The following ZNF469 variants were observed in gnomAD, a reference collection of about 807,000 sequenced individuals.
ZNF469 encodes zinc finger protein 469.
Under a neutral mutation model 1.0 loss-of-function variants are expected in ZNF469, and 1 was observed. The ratio of observed to expected loss-of-function variants is 1.00; its 90% CI spans 0.35 to 4.73. The LOEUF (loss-of-function observed/expected upper bound fraction) is 4.73. ZNF469 is among the 30% of genes most tolerant of loss of function. The pLI, the probability that ZNF469 is intolerant of heterozygous loss-of-function variation, is 0.16. For missense variants in ZNF469, 6,100 were observed against 5,356.3 expected, an observed-to-expected ratio of 1.14 and a Z score of -4.33; for synonymous variants, 2,703 against 2,363.4, an observed-to-expected ratio of 1.14 and a Z score of -4.17.
At chr16:88,297,442 C>T in the ZNF469 span, among the ~76,000 whole-genome samples, 1 of 152,218 alleles carries the variant, frequency 6.6e-6, no homozygotes, top group East Asian at 1.9e-4. Flanking sequence ...ATAGGCTTAC[C>T]TGCAAAGCAC....
the ZNF469 span, among the ~76,000 whole-genome samples, chr16:88,333,145 T>C: frequency 6.6e-6 from 1 of 152,106 alleles, no homozygotes; most frequent in Non-Finnish European, 1.5e-5. Context: ...GCAAAGCGAG[T>C]GTCCCCACAT....
At chr16:88,321,199 C>A in the ZNF469 span, among the ~76,000 whole-genome samples, 1 of 152,272 alleles carries the variant, frequency 6.6e-6, no homozygotes, top group Non-Finnish European at 1.5e-5. Context: ...GGGTGCCCCC[C>A]ACCTTGGGTT....
chr16:88,234,249 A>C, the ZNF469 span, among the ~76,000 whole-genome samples: 1 of 152,262 alleles, frequency 6.6e-6, no homozygotes, highest in Non-Finnish European at 1.5e-5. Flanking sequence ...GCATGCAGGC[A>C]CGTGGGTCGT....
At chr16:88,134,520 A>C in the ZNF469 span, among the ~76,000 whole-genome samples, 3 of 152,210 alleles carry the variant, frequency 2.0e-5, no homozygotes, top group African/African-American at 7.2e-5. Flanking sequence ...CCACTTATCC[A>C]TCTTTGCATA....
At chr16:88,101,625 G>C in the ZNF469 span, among the ~76,000 whole-genome samples, 2 of 151,870 alleles carry the variant, frequency 1.3e-5, no homozygotes, top group Admixed American at 6.6e-5. Flanking sequence ...GGCAGGACGA[G>C]TTTGGGGCTT....
rs1280705349 is a variant in ZNF469 at position 88,423,179 on chromosome 16, ATGGG to A, written c.-191-1620_-191-1617del. Among the ~76,000 whole-genome samples, 8 of 12,392 alleles carry A rather than the reference ATGGG, an allele frequency of 6.5e-4. 1 individual carries two copies. The highest frequency in any genetic ancestry group is 1.1e-3 in the African/African-American group (8 of 7,570). The allele number at this position is 12,392 out of a possible 152,430, so 8.1% of individuals were successfully genotyped here. A position where few individuals can be genotyped will look rare whatever the true frequency, so the allele number is the denominator to read the frequency against. On this transcript the variant is annotated intron_variant, in intron 1 of 2. Transcript: ENST00000565624. ...TGGTGGATGGATGGGTGGGTGATGG[ATGGG>A]TGGGTGGATGGATGGATGGGTGGGT... is the stretch of plus-strand genomic sequence containing the variant.
the ZNF469 span, among the ~76,000 whole-genome samples, chr16:88,245,687 A>G: frequency 1.4e-3 from 208 of 152,384 alleles, 1 homozygote; most frequent in South Asian, 1.7e-3. Context: ...TACAGAGCTC[A>G]TGAGTCAAGA....
At chr16:88,341,839 C>T in the ZNF469 span, among the ~76,000 whole-genome samples, 2 of 152,046 alleles carry the variant, frequency 1.3e-5, no homozygotes, top group Non-Finnish European at 2.9e-5. Flanking sequence ...GCCTGAAGGA[C>T]TTGGGGACCA....
intron 1 of ZNF469, among the ~76,000 whole-genome samples, chr16:88,410,471 T>C (rs1905125449): frequency 6.7e-6 from 1 of 148,670 alleles, no homozygotes; most frequent in Admixed American, 6.7e-5. Flanking sequence ...TGATGCACGG[T>C]TCACGGTGAC....
rs1307362261 is a variant in ZNF469 at position 88,431,763 on chromosome 16, G to T, written c.4293G>T (p.Arg1431Ser). ...DAGSLEPQLPRSPPGTAETEP... is the reference protein window; with the variant it reads ...DAGSLEPQLPSSPPGTAETEP... Reference sequence around the variant, plus strand: ...GTTCCCTCGAGCCACAGCTGCCAAGGAGCCCACCTGGCACCGCTGAGACGG... The same window carrying T: ...GTTCCCTCGAGCCACAGCTGCCAAGTAGCCCACCTGGCACCGCTGAGACGG... Residue 1431 changes from arginine to serine, a missense_variant, in exon 3 of 3, where the codon AGG becomes AGT. Coordinates refer to ENST00000565624, the MANE Select transcript of ZNF469 (RefSeq NM_001367624.2). 3 of 1,549,772 alleles carry T rather than the reference G, an allele frequency of 1.9e-6. No homozygotes were observed. In the African/African-American group the frequency reaches 4.1e-5, roughly 21 times the overall value.
the ZNF469 span, among the ~76,000 whole-genome samples, chr16:88,150,997 A>C: frequency 1.3e-5 from 2 of 152,292 alleles, no homozygotes; most frequent in Admixed American, 1.3e-4. Context: ...CCAGGAAGAA[A>C]GTGCTTATGT....
At chr16:88,356,230 T>G in the ZNF469 span, among the ~76,000 whole-genome samples, 2 of 152,088 alleles carry the variant, frequency 1.3e-5, no homozygotes, top group Admixed American at 1.3e-4. Flanking sequence ...GTGGGAGCCG[T>G]GGGTCTAAGG....
the ZNF469 span, among the ~76,000 whole-genome samples, chr16:88,335,688 G>GC: frequency 1.3e-5 from 2 of 152,254 alleles, no homozygotes; most frequent in Admixed American, 1.3e-4. Context: ...GCCTCGATAA[G>GC]CATCGAATCA....
chr16:88,339,615 T>G, the ZNF469 span, among the ~76,000 whole-genome samples: 2 of 7,302 alleles, frequency 2.7e-4, no homozygotes, highest in African/African-American at 1.4e-3. Context: ...GGCAGGGGGA[T>G]GGGGGACATG....
intron 1 of ZNF469, among the ~76,000 whole-genome samples, chr16:88,392,342 T>TG (rs1256601402): frequency 6.6e-6 from 1 of 152,262 alleles, no homozygotes; most frequent in Admixed American, 6.5e-5. Flanking sequence ...CCTTGTGCCT[T>TG]GCAATCCTGA....
chr16:88,244,064 G>A, the ZNF469 span, among the ~76,000 whole-genome samples: 51 of 146,974 alleles, frequency 3.5e-4, no homozygotes, highest in Non-Finnish European at 1.6e-4. Context: ...TGAGTGCATG[G>A]ATGGATGAAT....
At chr16:88,104,658 A>G in the ZNF469 span, among the ~76,000 whole-genome samples, 2 of 152,174 alleles carry the variant, frequency 1.3e-5, no homozygotes, top group African/African-American at 4.8e-5. Context: ...ACCACCCCAG[A>G]TGTTCTTGTC....
At chr16:88,367,129 T>C in the ZNF469 span, among the ~76,000 whole-genome samples, 1 of 152,204 alleles carries the variant, frequency 6.6e-6, no homozygotes, top group Non-Finnish European at 1.5e-5. Context: ...CAGACTCTGA[T>C]TCCTCTGGGT....
chr16:88,409,879 GGGGGGC>G (rs1341780928), intron 1 of ZNF469, among the ~76,000 whole-genome samples: 17 of 146,720 alleles, frequency 1.2e-4, no homozygotes, highest in East Asian at 2.0e-4. Context: ...GGGGGGGGGG[GGGGGGC>G]GCGGGGCGTT....
Sources: gnomAD v4.1 joint callset for allele counts (sites outside exome capture counted in the v4.1 genomes callset) on GRCh38, gnomAD v4.1.1 for gene constraint, MANE v1.5 for transcripts, NCBI Gene and HGNC (gene_info 2026-07-23, HGNC 2026-07-21) for gene names.